Variants in PITPNC1 observed in about 807,000 individuals in gnomAD.
PITPNC1 encodes cytoplasmic phosphatidylinositol transfer protein 1.
In PITPNC1, 18 loss-of-function variants were observed where a neutral mutation model predicts 44.7. The observed-to-expected ratio is 0.40, with a 90% CI of 0.28 to 0.60. The LOEUF is 0.60. Ranked by LOEUF, PITPNC1 falls within the 20% of genes least tolerant of loss-of-function variation. The pLI, the probability that PITPNC1 is intolerant of heterozygous loss-of-function variation, is 0.39. For missense variants in PITPNC1, 290 were observed against 418.4 expected, an observed-to-expected ratio of 0.69 and a Z score of 2.68; for synonymous variants, 141 against 149.6, an observed-to-expected ratio of 0.94 and a Z score of 0.42.
chr17:67,382,349 G>A (rs1176063808), intron 1 of PITPNC1, among the ~76,000 whole-genome samples: 1 of 151,640 alleles, frequency 6.6e-6, no homozygotes, highest in Non-Finnish European at 1.5e-5. Context: ...GTGTGTGTGT[G>A]TGTGTGTGTG....
At chr17:67,395,638 T>C (rs2038208249) in intron 1 of PITPNC1, among the ~76,000 whole-genome samples, 1 of 152,234 alleles carries the variant, frequency 6.6e-6, no homozygotes, top group Non-Finnish European at 1.5e-5. Context: ...ATGAAAAGAC[T>C]GATGTGGCCC....
chr17:67,562,172 C>CACT (rs1240891414), intron 4 of PITPNC1, among the ~76,000 whole-genome samples: 1 of 152,220 alleles, frequency 6.6e-6, no homozygotes, highest in African/African-American at 2.4e-5. Flanking sequence ...CCTTGCTTTC[C>CACT]TAGTGAGTTG....
chr17:67,542,148 A>G (rs944122780), intron 2 of PITPNC1, among the ~76,000 whole-genome samples: 2 of 152,188 alleles, frequency 1.3e-5, no homozygotes, highest in African/African-American at 4.8e-5. Context: ...TATGTAACCA[A>G]TGAGGCACAA....
intron 1 of PITPNC1, among the ~76,000 whole-genome samples, chr17:67,431,306 G>A (rs781648209): frequency 1.3e-5 from 2 of 151,942 alleles, no homozygotes; most frequent in East Asian, 1.9e-4. Context: ...TGATCCATCC[G>A]CCTCAGCATC....
intron 5 of PITPNC1, among the ~76,000 whole-genome samples, chr17:67,627,604 A>G (rs548829601): frequency 3.0e-4 from 45 of 152,282 alleles, no homozygotes; most frequent in African/African-American, 9.6e-4. Flanking sequence ...TCAGATTCTG[A>G]ATTTTTCTTT....
At chr17:67,639,597 T>G (rs907905197) in intron 6 of PITPNC1, among the ~76,000 whole-genome samples, 1 of 152,168 alleles carries the variant, frequency 6.6e-6, no homozygotes, top group Non-Finnish European at 1.5e-5. Context: ...TAATTAAATG[T>G]TTTTCAGACA....
intron 2 of PITPNC1, among the ~76,000 whole-genome samples, chr17:67,548,062 G>C (rs2040709097): frequency 1.3e-5 from 2 of 152,256 alleles, no homozygotes; most frequent in Non-Finnish European, 2.9e-5. Flanking sequence ...CCTCGCCTCT[G>C]TTGAGACAAC....
chr17:67,496,081 G>T (rs941085552), intron 1 of PITPNC1, among the ~76,000 whole-genome samples: 1 of 152,140 alleles, frequency 6.6e-6, no homozygotes, highest in African/African-American at 2.4e-5. Flanking sequence ...ATTGAATTCT[G>T]AGGAGAAAAT....
At chr17:67,522,609 C>A (rs977452374) in intron 1 of PITPNC1, among the ~76,000 whole-genome samples, 3 of 149,776 alleles carry the variant, frequency 2.0e-5, no homozygotes, top group Middle Eastern at 3.5e-3. Context: ...AAGTTCTGAG[C>A]CTTTTTAATT....
chr17:67,509,599 T>TAAATAAATAAATAAAA (rs776492887), intron 1 of PITPNC1, among the ~76,000 whole-genome samples: 1 of 149,224 alleles, frequency 6.7e-6, no homozygotes, highest in African/African-American at 2.5e-5. Context: ...AATAAATAAA[T>TAAATAAATAAATAAAA]AAAACGTGTT....
At chr17:67,487,048 T>G (rs1386932228) in intron 1 of PITPNC1, among the ~76,000 whole-genome samples, 2 of 151,912 alleles carry the variant, frequency 1.3e-5, no homozygotes, top group African/African-American at 4.8e-5. Context: ...AAAAGAGTAC[T>G]GTGGAATTCA....
chr17:67,607,080 T>C (rs79641352), intron 5 of PITPNC1, among the ~76,000 whole-genome samples: 43 of 152,332 alleles, frequency 2.8e-4, no homozygotes, highest in Non-Finnish European at 5.1e-4. Context: ...TATTTTCCAC[T>C]TGGAGTTAGA....
intron 5 of PITPNC1, among the ~76,000 whole-genome samples, 188 bp from the exon 6 acceptor site, chr17:67,631,955 A>G (rs540644839): frequency 8.9e-4 from 135 of 151,212 alleles, no homozygotes; most frequent in Non-Finnish European, 1.8e-3. Context: ...CCTGCCTCTG[A>G]TGTGACAAAA....
intron 5 of PITPNC1, among the ~76,000 whole-genome samples, chr17:67,618,564 A>T (rs1236429796): frequency 1.3e-5 from 2 of 151,830 alleles, no homozygotes; most frequent in Admixed American, 6.6e-5. Context: ...CAGCCTGGCC[A>T]ACATGGTGAA....
intron 1 of PITPNC1, among the ~76,000 whole-genome samples, chr17:67,418,031 C>A (rs1488697468): frequency 1.3e-5 from 2 of 152,122 alleles, no homozygotes; most frequent in African/African-American, 4.8e-5. Context: ...CAGAGCAAGA[C>A]CCTGTCTGGA....
At chr17:67,664,808 G>C (rs1030207944) in intron 6 of PITPNC1, among the ~76,000 whole-genome samples, 8 of 151,876 alleles carry the variant, frequency 5.3e-5, no homozygotes, top group Non-Finnish European at 1.2e-4. Flanking sequence ...GGGAGTCTGA[G>C]GCAAAAGAAT....
intron 6 of PITPNC1, among the ~76,000 whole-genome samples, chr17:67,656,219 C>A (rs967842176): frequency 2.6e-5 from 4 of 152,192 alleles, no homozygotes; most frequent in Admixed American, 2.6e-4. Context: ...CCCGAGGTTT[C>A]AGTCACAGTT....
chr17:67,625,169 T>C (rs150339849), intron 5 of PITPNC1, among the ~76,000 whole-genome samples: 108 of 152,234 alleles, frequency 7.1e-4, no homozygotes, highest in African/African-American at 2.5e-3. Context: ...TAAACACTTT[T>C]CCTTCTCCCT....
chr17:67,671,217 G>A (rs192588242), intron 7 of PITPNC1, among the ~76,000 whole-genome samples: 1 of 152,122 alleles, frequency 6.6e-6, no homozygotes, highest in Admixed American at 6.6e-5. Flanking sequence ...AATCCCACTT[G>A]GTGAAGAGTC....
Sources: allele counts gnomAD v4.1 joint callset (sites outside exome capture counted in the v4.1 genomes callset), GRCh38; gene constraint gnomAD v4.1.1; transcripts MANE v1.5; gene names NCBI Gene and HGNC (gene_info 2026-07-23, HGNC 2026-07-21).